SRGAP1: variants seen among roughly 807,000 people sequenced by gnomAD.
SRGAP1 encodes SLIT-ROBO Rho GTPase-activating protein 1.
In SRGAP1, 43 loss-of-function variants were observed where a neutral mutation model predicts 121.9. The observed-to-expected ratio is 0.35, with a 90% CI of 0.28 to 0.46. The LOEUF is 0.46. Ranked by LOEUF, SRGAP1 falls within the 20% of genes least tolerant of loss-of-function variation. The probability of loss-of-function intolerance (pLI) is 1.00; values close to 1 mark genes in which losing one functional copy is unlikely to be tolerated. For missense variants in SRGAP1, 1,102 were observed against 1,350.9 expected, an observed-to-expected ratio of 0.82 and a Z score of 2.89; for synonymous variants, 447 against 485.4, an observed-to-expected ratio of 0.92 and a Z score of 1.04.
intron 15 of SRGAP1, among the ~76,000 whole-genome samples, chr12:64,106,578 G>A (rs1450468753): frequency 6.6e-6 from 1 of 152,162 alleles, no homozygotes; most frequent in African/African-American, 2.4e-5. Flanking sequence ...ACATGAAGTT[G>A]TCATGGAGAT....
Position 64,063,040 on chromosome 12 carries a change from T to G in SRGAP1, c.925T>G (p.Leu309Val), listed in dbSNP as rs750534559. 6.2e-7 allele frequency: 1 copy of G among 1,614,088 alleles called. No individual in the cohort carries two copies. Among genetic ancestry groups the G allele is most frequent in the Non-Finnish European group, 8.5e-7 (1 of 1,179,998 alleles). The change falls in exon 7 of 22, where the codon TTA (leucine) becomes GTA (valine). Residue 309 changes from leucine to valine, a missense_variant. By Grantham distance (32) the Leu-to-Val change is conservative. Coordinates refer to ENST00000355086, the MANE Select transcript of SRGAP1 (RefSeq NM_020762.4). ...LDIIENAVDN[L>V]EPRSDKQRFM... ...CATTATTGAGAATGCAGTTGATAAT[T>G]TAGAGCCCAGGAGCGATAAGCAGAG...
intron 1 of SRGAP1, among the ~76,000 whole-genome samples, chr12:63,969,068 C>G (rs2032864240): frequency 1.3e-5 from 2 of 152,206 alleles, no homozygotes; most frequent in African/African-American, 2.4e-5. Flanking sequence ...TTGAATTTTA[C>G]TCGTTTTCAC....
chr12:64,148,028 T>A lies in SRGAP1; in HGVS notation c.*5356T>A. ...GGTGTCCTGCACAGGGCCCTGCCCA[T>A]GAAGCTGTGGTTTTTCAGTCATGGT... On this transcript the variant is annotated 3_prime_UTR_variant, in exon 22 of 22. Transcript: ENST00000355086. The A allele has an allele frequency of 6.0e-6, 1 of 165,486 alleles. No homozygotes were observed. The highest frequency in any genetic ancestry group is 1.7e-4 in the East Asian group (1 of 5,996). The allele number at this position is 165,486 out of a possible 1,614,324, so 10.3% of individuals were successfully genotyped here.
At chr12:63,855,682 T>C (rs1019794642) in intron 1 of SRGAP1, among the ~76,000 whole-genome samples, 2 of 151,526 alleles carry the variant, frequency 1.3e-5, no homozygotes, top group Non-Finnish European at 2.9e-5. Context: ...AGAGACGGAG[T>C]TCCACCATGT....
rs1462241035 is a variant in SRGAP1 at position 63,990,057 on chromosome 12, C to T, written c.411C>T (p.Thr137=). The change falls in exon 3 of 22, where the codon ACC becomes ACT. Residue 137 remains threonine, a synonymous_variant. Coordinates refer to ENST00000355086, the MANE Select transcript of SRGAP1 (RefSeq NM_020762.4). The part of the protein sequence containing the change: ...MRFMQISEDS[T]RMFKKSKEIA... ...TCATGCAGATAAGTGAGGATTCTAC[C>T]AGGATGTTTAAAAAGGTACACTCCA... is the stretch of plus-strand genomic sequence containing the variant. 1.9e-6 allele frequency: 3 copies of T among 1,606,606 alleles called. No individual in the cohort carries two copies. Among genetic ancestry groups the T allele is most frequent in the Admixed American group, 3.4e-5 (2 of 58,602 alleles).
chr12:64,057,652 G>A (rs559175257), intron 6 of SRGAP1, among the ~76,000 whole-genome samples: 1 of 152,230 alleles, frequency 6.6e-6, no homozygotes, highest in South Asian at 2.1e-4. Flanking sequence ...GCTTTAGAAT[G>A]ACCAAAGCCA....
intron 15 of SRGAP1, among the ~76,000 whole-genome samples, chr12:64,099,052 C>G (rs1166548837): frequency 6.6e-6 from 1 of 152,078 alleles, no homozygotes; most frequent in Non-Finnish European, 1.5e-5. Context: ...TTTTTTTAAC[C>G]CCTCTGTCTC....
At chr12:63,882,660 A>G (rs559376719) in intron 1 of SRGAP1, among the ~76,000 whole-genome samples, 25 of 152,360 alleles carry the variant, frequency 1.6e-4, no homozygotes, top group African/African-American at 5.5e-4. Context: ...AATGATTGAC[A>G]TTAAAAAATC....
At chr12:63,962,170 C>G (rs2032660807) in intron 1 of SRGAP1, among the ~76,000 whole-genome samples, 4 of 152,108 alleles carry the variant, frequency 2.6e-5, no homozygotes, top group Admixed American at 2.6e-4. Flanking sequence ...TCTATATGGT[C>G]TTTTTTTCCA....
At chr12:64,001,942 A>G (rs2033913263) in intron 3 of SRGAP1, among the ~76,000 whole-genome samples, 1 of 152,220 alleles carries the variant, frequency 6.6e-6, no homozygotes, top group African/African-American at 2.4e-5. Flanking sequence ...TTTTAAAAAC[A>G]CTGAATACCC....
intron 1 of SRGAP1, among the ~76,000 whole-genome samples, chr12:63,907,546 AAAATT>A (rs1019810459): frequency 1.3e-5 from 2 of 152,172 alleles, no homozygotes; most frequent in African/African-American, 4.8e-5. Flanking sequence ...CTCAAAAAAA[AAAATT>A]AAAGTAAAAT....
chr12:63,977,018 T>C (rs1401413604), intron 1 of SRGAP1, among the ~76,000 whole-genome samples: 2 of 152,118 alleles, frequency 1.3e-5, no homozygotes, highest in Non-Finnish European at 2.9e-5. Flanking sequence ...CCTTTGTTTA[T>C]TCAGTTGATT....
intron 21 of SRGAP1, among the ~76,000 whole-genome samples, chr12:64,137,959 A>ATATATAT (rs1176572330): frequency 2.2e-5 from 3 of 133,630 alleles, no homozygotes; most frequent in East Asian, 2.1e-4. Context: ...GCTTAAAAAA[A>ATATATAT]AAATATATAT....
At chr12:63,861,946 C>A (rs989422108) in intron 1 of SRGAP1, among the ~76,000 whole-genome samples, 1 of 152,128 alleles carries the variant, frequency 6.6e-6, no homozygotes, top group Non-Finnish European at 1.5e-5. Flanking sequence ...ACATGGTAAA[C>A]CCCGTCTCTG....
At chr12:63,919,961 A>G (rs980044657) in intron 1 of SRGAP1, among the ~76,000 whole-genome samples, 4 of 152,086 alleles carry the variant, frequency 2.6e-5, no homozygotes, top group Non-Finnish European at 4.4e-5. Flanking sequence ...GTTGCTGAAC[A>G]TTTTCATGTG....
At chr12:63,927,384 A>T (rs911726315) in intron 1 of SRGAP1, among the ~76,000 whole-genome samples, 1 of 152,132 alleles carries the variant, frequency 6.6e-6, no homozygotes, top group Non-Finnish European at 1.5e-5. Context: ...GTAAGTATCT[A>T]TTGGCTGATT....
intron 1 of SRGAP1, among the ~76,000 whole-genome samples, chr12:63,972,023 C>A (rs2032963617): frequency 6.6e-6 from 1 of 152,042 alleles, no homozygotes; most frequent in African/African-American, 2.4e-5. Context: ...GTAGTTAAAT[C>A]AAAATAAGAA....
Position 64,043,537 on chromosome 12 carries a change from T to C in SRGAP1, c.763T>C (p.Phe255Leu). ...LTLEATNASV[F>L]KYYIHDLSDL... ...ACTTGAAGCCACCAATGCCTCAGTT[T>C]TCAAGTACTATATTCATGATCTTTC... The change falls in exon 6 of 22, where the codon TTC (phenylalanine) becomes CTC (leucine). Residue 255 changes from phenylalanine to leucine, a missense_variant. Physicochemically the swap from Phe to Leu is conservative, Grantham distance 22. Coordinates refer to ENST00000355086, the MANE Select transcript of SRGAP1 (RefSeq NM_020762.4). The C allele has an allele frequency of 6.2e-7, 1 of 1,612,880 alleles. No individual in the cohort carries two copies. Among genetic ancestry groups the C allele is most frequent in the Non-Finnish European group, 8.5e-7 (1 of 1,179,342 alleles).
At chr12:64,028,026 A>G (rs1057152797) in intron 4 of SRGAP1, among the ~76,000 whole-genome samples, 42 of 152,348 alleles carry the variant, frequency 2.8e-4, no homozygotes, top group African/African-American at 1.0e-3. Context: ...GCCATGTGAA[A>G]CATTTCCCTG....
Sources: gnomAD v4.1 joint callset for allele counts (sites outside exome capture counted in the v4.1 genomes callset) on GRCh38, gnomAD v4.1.1 for gene constraint, MANE v1.5 for transcripts, NCBI Gene and HGNC (gene_info 2026-07-23, HGNC 2026-07-21) for gene names.